The following CNTNAP5 variants were observed in gnomAD, a reference collection of about 807,000 sequenced individuals.
CNTNAP5 encodes the protein contactin-associated protein-like 5.
A neutral mutation model predicts 150.2 loss-of-function variants in CNTNAP5; 72 were observed. The ratio of observed to expected loss-of-function variants is 0.48; its 90% CI spans 0.40 to 0.58. The LOEUF (loss-of-function observed/expected upper bound fraction) is 0.58, where lower values mean the gene tolerates loss of function less well. Among genes scored for constraint, CNTNAP5 ranks in the 20% least tolerant of loss-of-function variants. The pLI is 0.00. For missense variants in CNTNAP5, 1,636 were observed against 1,626.2 expected (o/e 1.01, Z -0.10); for synonymous variants, 672 against 619.8 (o/e 1.08, Z -1.25).
intron 1 of CNTNAP5, among the ~76,000 whole-genome samples, chr2:124,067,436 A>T (rs1682188870): frequency 2.0e-5 from 3 of 152,148 alleles, no homozygotes; most frequent in African/African-American, 7.2e-5. Context: ...CTCTATGGCT[A>T]CATTGCCACC....
At chr2:124,429,306 A>G (rs1188667459) in intron 4 of CNTNAP5, among the ~76,000 whole-genome samples, 1 of 152,202 alleles carries the variant, frequency 6.6e-6, no homozygotes, top group East Asian at 1.9e-4. Flanking sequence ...AAGCTATGTT[A>G]GGAGTTGTCA....
chr2:124,579,516 C>G (rs1002615124), intron 11 of CNTNAP5, among the ~76,000 whole-genome samples: 1 of 152,222 alleles, frequency 6.6e-6, no homozygotes, highest in African/African-American at 2.4e-5. Context: ...CTTCATCTAG[C>G]TCATTCTTTG....
chr2:124,716,790 C>T (rs146336560), intron 13 of CNTNAP5, among the ~76,000 whole-genome samples: 1 of 152,164 alleles, frequency 6.6e-6, no homozygotes, highest in African/African-American at 2.4e-5. Context: ...TGGCATGGTA[C>T]CTGCTTAGGA....
chr2:124,418,810 G>A (rs1305183341), intron 4 of CNTNAP5, among the ~76,000 whole-genome samples: 1 of 152,148 alleles, frequency 6.6e-6, no homozygotes, highest in Non-Finnish European at 1.5e-5. Flanking sequence ...CCTCCTGTTT[G>A]ATAACAATTT....
chr2:124,473,111 A>C (rs1693556587), intron 6 of CNTNAP5, among the ~76,000 whole-genome samples: 1 of 152,104 alleles, frequency 6.6e-6, no homozygotes, highest in South Asian at 2.1e-4. Flanking sequence ...GAATTAAAAC[A>C]ATTCATATAC....
At chr2:124,074,223 T>C (rs1190194877) in intron 1 of CNTNAP5, among the ~76,000 whole-genome samples, 1 of 152,062 alleles carries the variant, frequency 6.6e-6, no homozygotes, top group Admixed American at 6.6e-5. Flanking sequence ...AGGCATGTGC[T>C]GGTTAATGGG....
At chr2:124,360,615 T>C (rs1013856869) in intron 3 of CNTNAP5, among the ~76,000 whole-genome samples, 1 of 137,426 alleles carries the variant, frequency 7.3e-6, no homozygotes, top group Non-Finnish European at 1.6e-5. Flanking sequence ...ATTCTTTTCT[T>C]TAAGAATGTT....
chr2:124,905,006 A>G (rs1407123056), intron 22 of CNTNAP5, among the ~76,000 whole-genome samples: 2 of 149,684 alleles, frequency 1.3e-5, no homozygotes, highest in Non-Finnish European at 3.0e-5. Flanking sequence ...GTTAGTATCC[A>G]AAGCATAAAA....
chr2:124,678,045 T>C (rs1385746414), intron 13 of CNTNAP5, among the ~76,000 whole-genome samples: 3 of 151,918 alleles, frequency 2.0e-5, no homozygotes, highest in African/African-American at 4.8e-5. Flanking sequence ...TCTGCCTTTT[T>C]GTTTGTCTAG....
chr2:124,877,374 T>A (rs1677880929), intron 21 of CNTNAP5, among the ~76,000 whole-genome samples: 3 of 152,130 alleles, frequency 2.0e-5, no homozygotes, highest in African/African-American at 7.2e-5. Context: ...TGTTTCCAAA[T>A]GCAGACTGTC....
chr2:124,362,173 C>T (rs1690227391), intron 3 of CNTNAP5, among the ~76,000 whole-genome samples: 1 of 152,226 alleles, frequency 6.6e-6, no homozygotes, highest in African/African-American at 2.4e-5. Flanking sequence ...TCGGCTGGCG[C>T]ATGGTGCGCG....
intron 1 of CNTNAP5, among the ~76,000 whole-genome samples, chr2:124,061,042 C>A (rs549067743): frequency 1.3e-5 from 2 of 152,290 alleles, no homozygotes; most frequent in African/African-American, 4.8e-5. Flanking sequence ...TGAGCACATT[C>A]CCCTTCCGTT....
intron 13 of CNTNAP5, among the ~76,000 whole-genome samples, chr2:124,696,895 T>C (rs1679417027): frequency 6.6e-6 from 1 of 152,176 alleles, no homozygotes; most frequent in Non-Finnish European, 1.5e-5. Flanking sequence ...GTATCACTTA[T>C]GGATTGGGGC....
chr2:124,127,010 T>C (rs6745346), intron 1 of CNTNAP5, among the ~76,000 whole-genome samples: 2 of 152,204 alleles, frequency 1.3e-5, no homozygotes, highest in Non-Finnish European at 2.9e-5. Context: ...AAGACAGGGA[T>C]GCCCTCTCTC....
At chr2:124,311,006 A>G (rs1037863324) in intron 3 of CNTNAP5, among the ~76,000 whole-genome samples, 1 of 152,170 alleles carries the variant, frequency 6.6e-6, no homozygotes, top group Non-Finnish European at 1.5e-5. Context: ...AAAACTCAGT[A>G]TATATTCCTG....
At chr2:124,369,533 G>T (rs376899881) in intron 3 of CNTNAP5, among the ~76,000 whole-genome samples, 1 of 152,040 alleles carries the variant, frequency 6.6e-6, no homozygotes, top group Admixed American at 6.6e-5. Flanking sequence ...AAGTTCCTGC[G>T]GTGATTCTAA....
chr2:124,374,069 TC>T (rs1204548953), intron 3 of CNTNAP5, among the ~76,000 whole-genome samples: 3 of 152,026 alleles, frequency 2.0e-5, no homozygotes, highest in Non-Finnish European at 4.4e-5. Flanking sequence ...GATACTTAAT[TC>T]TACAGTGATC....
At chr2:124,332,015 C>T (rs1490191660) in intron 3 of CNTNAP5, among the ~76,000 whole-genome samples, 1 of 151,806 alleles carries the variant, frequency 6.6e-6, no homozygotes, top group Non-Finnish European at 1.5e-5. Flanking sequence ...CAATTGATTA[C>T]ACATAAAATT....
intron 13 of CNTNAP5, among the ~76,000 whole-genome samples, chr2:124,694,770 G>A (rs1240170926): frequency 3.9e-5 from 6 of 152,064 alleles, no homozygotes; most frequent in Non-Finnish European, 8.8e-5. Context: ...TGTATTCATT[G>A]ATTTTTTTTC....
Sources: gnomAD v4.1 joint callset for allele counts (sites outside exome capture counted in the v4.1 genomes callset) on GRCh38, gnomAD v4.1.1 for gene constraint, MANE v1.5 for transcripts, NCBI Gene and HGNC (gene_info 2026-07-23, HGNC 2026-07-21) for gene names.